AFF3: variants seen among roughly 807,000 people sequenced by gnomAD.
AFF3 encodes ALF transcription elongation factor 3, also known as AF4/FMR2 family member 3.
In AFF3, 32 loss-of-function variants were observed where a neutral mutation model predicts 129.7. That is an observed-to-expected ratio of 0.25 (90% CI 0.19 to 0.33). AFF3 has a LOEUF of 0.33. Among genes scored for constraint, AFF3 ranks in the 10% least tolerant of loss-of-function variants. AFF3 has a pLI of 1.00. For missense variants in AFF3, 1,373 were observed against 1,592.0 expected (o/e 0.86, Z 2.34); for synonymous variants, 644 against 635.4 (o/e 1.01, Z -0.20).
chr2:99,798,166 T>TG (rs1384743357), intron 8 of AFF3, among the ~76,000 whole-genome samples: 1 of 151,956 alleles, frequency 6.6e-6, no homozygotes, highest in Non-Finnish European at 1.5e-5. Flanking sequence ...ACACTGAACA[T>TG]GAAGTGGTAA....
chr2:99,935,855 G>A (rs1268106008), intron 7 of AFF3, among the ~76,000 whole-genome samples: 4 of 152,150 alleles, frequency 2.6e-5, no homozygotes, highest in Non-Finnish European at 5.9e-5. Flanking sequence ...AGCTAGGAGA[G>A]TAAGACATCA....
intron 7 of AFF3, among the ~76,000 whole-genome samples, chr2:99,977,363 G>C (rs1308614563): frequency 6.6e-6 from 1 of 152,202 alleles, no homozygotes; most frequent in East Asian, 1.9e-4. Context: ...GCCTGCTCCT[G>C]TCTGAGGCTG....
intron 11 of AFF3, among the ~76,000 whole-genome samples, chr2:99,678,230 A>G (rs1674188977): frequency 1.3e-5 from 2 of 152,254 alleles, no homozygotes; most frequent in African/African-American, 4.8e-5. Context: ...GTAATTCAGT[A>G]CAACCTTTGC....
chr2:99,880,803 T>C (rs1260386087), intron 7 of AFF3, among the ~76,000 whole-genome samples: 1 of 152,094 alleles, frequency 6.6e-6, no homozygotes, highest in Non-Finnish European at 1.5e-5. Context: ...CATCTGTATG[T>C]GGCGACAGAT....
intron 16 of AFF3, among the ~76,000 whole-genome samples, chr2:99,584,217 C>T (rs1275406417): frequency 6.6e-6 from 1 of 152,064 alleles, no homozygotes; most frequent in Non-Finnish European, 1.5e-5. Flanking sequence ...CCTGTAATCC[C>T]AGCACTTTGG....
intron 7 of AFF3, among the ~76,000 whole-genome samples, chr2:99,952,669 C>T (rs745435639): frequency 6.6e-6 from 1 of 152,154 alleles, no homozygotes; most frequent in Admixed American, 6.5e-5. Context: ...CTCATCTTAA[C>T]GATACTATTT....
Position 99,728,169 on chromosome 2 carries a change from T to C in AFF3, c.1040-1041A>G, listed in dbSNP as rs542995631. 3.3e-5 allele frequency among the ~76,000 whole-genome samples: 5 copies of C among 152,338 alleles called. No homozygotes were observed. The East Asian group carries it at 9.6e-4, about 29-fold the overall frequency. The stretch of plus-strand genomic sequence containing the variant: ...CTTAATCAATTGGTGGTTTGAACCA[T>C]GCATCCTCATTCTGTAAGGAGTTTC... On this transcript the variant is annotated intron_variant, in intron 10 of 24. Coordinates refer to ENST00000672756, the MANE Select transcript of AFF3 (RefSeq NM_001386135.1).
At chr2:99,867,587 A>AAC (rs1286818489) in intron 7 of AFF3, among the ~76,000 whole-genome samples, 138 of 151,672 alleles carry the variant, frequency 9.1e-4, no homozygotes, top group Non-Finnish European at 1.6e-3. Flanking sequence ...AAAAAAAAAA[A>AAC]AAAAAACATA....
rs529624220 is a variant in AFF3 at position 99,889,678 on chromosome 2, A to C, written c.874-52154T>G. ...CCCTGAAACTTAAGCTGTTTTTTTG[A>C]GACAGAGTCTCACTCTGTTGCCCAG... On this transcript the variant is annotated intron_variant, in intron 7 of 24. Transcript: ENST00000672756. Among the ~76,000 whole-genome samples, 8 of 152,298 alleles carry C rather than the reference A, an allele frequency of 5.3e-5. No individual in the cohort carries two copies. The East Asian group carries it at 1.5e-3, about 29-fold the overall frequency.
In AFF3 at chr2:99,586,576, T is replaced by C. The variant is rs935453739; in HGVS notation, c.2591+578A>G. Among the ~76,000 whole-genome samples, 5 of 152,208 alleles carry C rather than the reference T, an allele frequency of 3.3e-5. No homozygotes were observed. The East Asian group carries it at 7.7e-4, about 23-fold the overall frequency. On this transcript the variant is annotated intron_variant, in intron 16 of 24. Transcript: ENST00000672756. ...CTTCTACGACTGATGATAAGCTACTTGTTTCTAATAAATACCTGGGATCTT... is the reference window on the plus strand; with the variant it reads ...CTTCTACGACTGATGATAAGCTACTCGTTTCTAATAAATACCTGGGATCTT...
intron 7 of AFF3, among the ~76,000 whole-genome samples, chr2:99,926,378 CA>C (rs1480760876): frequency 6.6e-6 from 1 of 152,188 alleles, no homozygotes; most frequent in African/African-American, 2.4e-5. Flanking sequence ...TACAGTCAGG[CA>C]CTGGTTCTTT....
At position 99,558,869 on chromosome 2, in the gene AFF3, C is replaced by T; in HGVS notation, c.3285+6G>A. ...GGAACAATTCTGCTCATTCACTAGA[C>T]AGTACCTTGAAATAGTCGATTAGTG... is the stretch of plus-strand genomic sequence containing the variant. On this transcript the variant is annotated splice_donor_region_variant and intron_variant, in intron 22 of 24. Transcript: ENST00000672756. The T allele has an allele frequency of 1.2e-6, 2 of 1,613,000 alleles. No individual in the cohort carries two copies. Among genetic ancestry groups the T allele is most frequent in the Non-Finnish European group, 8.5e-7 (1 of 1,179,038 alleles).
chr2:99,795,019 G>C (rs1268514652), intron 8 of AFF3, among the ~76,000 whole-genome samples: 1 of 152,132 alleles, frequency 6.6e-6, no homozygotes, highest in Non-Finnish European at 1.5e-5. Flanking sequence ...ACCCTTCCAT[G>C]CTGACTATAT....
intron 11 of AFF3, among the ~76,000 whole-genome samples, chr2:99,724,407 G>A (rs1445467075): frequency 6.6e-6 from 1 of 150,772 alleles, no homozygotes; most frequent in Admixed American, 6.7e-5. Flanking sequence ...CCAGTAGCTG[G>A]GATTACAGGC....
intron 8 of AFF3, among the ~76,000 whole-genome samples, chr2:99,803,662 C>A (rs921276781): frequency 6.6e-6 from 1 of 152,158 alleles, no homozygotes; most frequent in Admixed American, 6.5e-5. Flanking sequence ...AGAGGCATCA[C>A]ACGACATGAC....
At chr2:99,614,692 T>C (rs1287467299) in intron 13 of AFF3, among the ~76,000 whole-genome samples, 2 of 152,258 alleles carry the variant, frequency 1.3e-5, no homozygotes, top group East Asian at 3.8e-4. Flanking sequence ...CCTGAGTTTA[T>C]AGCATCACTA....
intron 4 of AFF3, among the ~76,000 whole-genome samples, chr2:100,087,394 T>C (rs187837630): frequency 3.3e-5 from 5 of 152,308 alleles, no homozygotes; most frequent in South Asian, 2.1e-4. Context: ...CTAAAAAAAA[T>C]TGAATGACTT....
At chr2:99,853,551 C>T (rs903623433) in intron 7 of AFF3, among the ~76,000 whole-genome samples, 5 of 152,188 alleles carry the variant, frequency 3.3e-5, no homozygotes, top group African/African-American at 7.2e-5. Flanking sequence ...CATCGAGTAT[C>T]GTAATTTTCC....
chr2:99,718,630 CA>C (rs1251430919), intron 11 of AFF3, among the ~76,000 whole-genome samples: 2 of 152,070 alleles, frequency 1.3e-5, no homozygotes. Context: ...ATTGCCTGAC[CA>C]AAACCTCCAG....
Sources: gnomAD v4.1 joint callset for allele counts (sites outside exome capture counted in the v4.1 genomes callset) on GRCh38, gnomAD v4.1.1 for gene constraint, MANE v1.5 for transcripts, NCBI Gene and HGNC (gene_info 2026-07-23, HGNC 2026-07-21) for gene names.